PTGER3: variants seen among roughly 807,000 people sequenced by gnomAD.
PTGER3 encodes prostaglandin E2 receptor EP3 subtype.
A neutral mutation model predicts 34.7 loss-of-function variants in PTGER3; 22 were observed. The ratio of observed to expected loss-of-function variants is 0.63; its 90% confidence interval spans 0.45 to 0.91. PTGER3 has a LOEUF of 0.91. Ranked by LOEUF, PTGER3 falls within the 40% of genes least tolerant of loss-of-function variation. The probability of loss-of-function intolerance (pLI) is 0.00; values close to 1 mark genes in which losing one functional copy is unlikely to be tolerated. For missense variants in PTGER3, 468 were observed against 519.4 expected (o/e 0.90, Z 0.96); for synonymous variants, 241 against 230.1 (o/e 1.05, Z -0.43).
chr1:70,877,362 A>G (rs1213914710), intron 4 of PTGER3, among the ~76,000 whole-genome samples: 1 of 152,100 alleles, frequency 6.6e-6, no homozygotes, highest in Non-Finnish European at 1.5e-5. Flanking sequence ...GGAAGAGACT[A>G]TGGGTTTTTT....
chr1:71,003,541 T>C (rs900469396), intron 2 of PTGER3, among the ~76,000 whole-genome samples: 1 of 152,212 alleles, frequency 6.6e-6, no homozygotes, highest in African/African-American at 2.4e-5. Flanking sequence ...TTTTTTTAAA[T>C]GGGTCTTTCA....
At chr1:70,948,685 G>T (rs115089333), downstream of PTGER3, among the ~76,000 whole-genome samples, 1,102 of 152,192 alleles carry the variant, frequency 7.2e-3, 14 homozygotes, top group African/African-American at 0.025. Context: ...TTCGTTACTT[G>T]TACAAGATTT....
chr1:70,889,735 T>C (rs1646576456), intron 4 of PTGER3, among the ~76,000 whole-genome samples: 2 of 152,234 alleles, frequency 1.3e-5, no homozygotes, highest in African/African-American at 4.8e-5. Context: ...GTGGTCAATA[T>C]GTTAGATAAT....
chr1:70,987,968 T>C (rs1172465069), intron 2 of PTGER3, among the ~76,000 whole-genome samples: 4 of 152,178 alleles, frequency 2.6e-5, no homozygotes, highest in Non-Finnish European at 4.4e-5. Context: ...CATTACGTAG[T>C]GTAAATTGTA....
chr1:70,919,413 A>AG (rs2100433763), intron 4 of PTGER3, among the ~76,000 whole-genome samples: 1 of 152,262 alleles, frequency 6.6e-6, no homozygotes, highest in Non-Finnish European at 1.5e-5. Context: ...CAGTGAGCTG[A>AG]GAGGAGCTGA....
At chr1:70,854,901 GA>G (rs1247613512) in intron 4 of PTGER3, among the ~76,000 whole-genome samples, 5 of 152,268 alleles carry the variant, frequency 3.3e-5, no homozygotes, top group African/African-American at 1.2e-4. Flanking sequence ...CAGCCAGTAA[GA>G]AAAACAGTAT....
intron 2 of PTGER3, among the ~76,000 whole-genome samples, chr1:70,962,334 A>C (rs1033622687): frequency 1.3e-5 from 2 of 152,166 alleles, no homozygotes; most frequent in African/African-American, 4.8e-5. Context: ...AATCATCCTT[A>C]GTTTTGTTTG....
At chr1:71,009,542 A>T in intron 2 of PTGER3, 6 of 983,010 alleles carry the variant, frequency 6.1e-6, no homozygotes, top group Non-Finnish European at 7.2e-6. Flanking sequence ...ATTAAGTAAC[A>T]TGTGATCATT....
intron 4 of PTGER3, among the ~76,000 whole-genome samples, chr1:70,886,102 C>A (rs11209707): frequency 6.6e-6 from 1 of 152,040 alleles, no homozygotes; most frequent in African/African-American, 2.4e-5. Flanking sequence ...AGTGTGCTGA[C>A]ATTTGGAGAT....
intron 4 of PTGER3, among the ~76,000 whole-genome samples, chr1:70,874,920 T>C (rs560343987): frequency 6.6e-6 from 1 of 152,280 alleles, no homozygotes; most frequent in East Asian, 1.9e-4. Context: ...TTCTAAATCA[T>C]ACAGAGTGAT....
At chr1:71,035,778 C>T (rs745409453) in intron 1 of PTGER3, among the ~76,000 whole-genome samples, 2 of 152,238 alleles carry the variant, frequency 1.3e-5, no homozygotes, top group African/African-American at 2.4e-5. Context: ...TTTTTACTCA[C>T]TCTAATCCAT....
chr1:70,959,109 G>A (rs1651658077), intron 2 of PTGER3, among the ~76,000 whole-genome samples: 1 of 152,138 alleles, frequency 6.6e-6, no homozygotes, highest in African/African-American at 2.4e-5. Context: ...ATAGTGTGAT[G>A]CATCTAGCTT....
intron 4 of PTGER3, among the ~76,000 whole-genome samples, chr1:70,942,065 T>A (rs890306759): frequency 1.3e-5 from 2 of 152,110 alleles, no homozygotes; most frequent in Admixed American, 1.3e-4. Flanking sequence ...GCCAACCCCC[T>A]TATGTTACAA....
chr1:70,866,455 A>G (rs1313861597), intron 4 of PTGER3, among the ~76,000 whole-genome samples: 1 of 152,202 alleles, frequency 6.6e-6, no homozygotes, highest in Non-Finnish European at 1.5e-5. Context: ...AACCACCATC[A>G]AAGCCCCCGA....
At chr1:71,020,477 G>GT (rs1056269576) in intron 1 of PTGER3, among the ~76,000 whole-genome samples, 3 of 151,924 alleles carry the variant, frequency 2.0e-5, no homozygotes, top group Non-Finnish European at 4.4e-5. Flanking sequence ...CACCTCTACA[G>GT]TTTTTTTTTG....
Position 70,884,272 on chromosome 1 carries a change from C to T in PTGER3, c.*24-31413G>A, listed in dbSNP as rs967695584. Among the ~76,000 whole-genome samples, 4 of 152,136 alleles carry T rather than the reference C, an allele frequency of 2.6e-5. No individual in the cohort carries two copies. The South Asian group carries it at 8.3e-4, about 32-fold the overall frequency. On this transcript the variant is annotated intron_variant, in intron 4 of 4. Transcript: ENST00000370931. ...CTGATAGCCTCCAAGATATCCACCC[C>T]CTGGTATACACATGCTGTATAATCA...
chr1:70,969,286 T>G (rs373187686), downstream of PTGER3, among the ~76,000 whole-genome samples: 19 of 152,124 alleles, frequency 1.2e-4, no homozygotes, highest in African/African-American at 4.6e-4. Flanking sequence ...ACAAGGAAAG[T>G]TTAACGTGAA....
At chr1:70,921,964 T>G (rs991858581) in intron 4 of PTGER3, among the ~76,000 whole-genome samples, 19 of 152,246 alleles carry the variant, frequency 1.2e-4, no homozygotes, top group Admixed American at 1.2e-3. Context: ...TCATGTGACT[T>G]AAGTAATCTT....
chr1:70,941,131 C>A (rs1259872266), intron 4 of PTGER3, among the ~76,000 whole-genome samples: 2 of 152,114 alleles, frequency 1.3e-5, no homozygotes, highest in African/African-American at 4.8e-5. Context: ...AATGACAGTG[C>A]ATATCTAATG....
Sources: gnomAD v4.1 joint callset for allele counts (sites outside exome capture counted in the v4.1 genomes callset) on GRCh38, gnomAD v4.1.1 for gene constraint, MANE v1.5 for transcripts, NCBI Gene and HGNC (gene_info 2026-07-23, HGNC 2026-07-21) for gene names.